The following BDH1 variants were observed in gnomAD, a reference collection of about 807,000 sequenced individuals.
BDH1 encodes 3-hydroxybutyrate dehydrogenase 1, also known as D-beta-hydroxybutyrate dehydrogenase, mitochondrial.
BDH1 carries 30 observed loss-of-function variants against 33.1 expected under a neutral mutation model. That is an observed-to-expected ratio of 0.91 (90% CI 0.68 to 1.23). BDH1 has a LOEUF of 1.23. BDH1 is among the 50% of genes most tolerant of loss of function. The pLI, the probability that BDH1 is intolerant of heterozygous loss-of-function variation, is 0.00. For synonymous variants in BDH1, 190 were observed against 183.6 expected (o/e 1.03, Z -0.28); for missense variants, 443 against 464.4 (o/e 0.95, Z 0.42).
chr3:197,511,139 A>T lies in BDH1; in HGVS notation c.*756T>A, dbSNP rs1711980455. 6.6e-6 allele frequency: 1 copy of T among 152,304 alleles called. No homozygotes were observed. The highest frequency in any genetic ancestry group is 1.5e-5 in the Non-Finnish European group (1 of 68,130). The allele number at this position is 152,304 out of a possible 1,614,324, so 9.4% of individuals were successfully genotyped here. On this transcript the variant is annotated 3_prime_UTR_variant, in exon 8 of 8. Coordinates refer to ENST00000392379, the MANE Select transcript of BDH1 (RefSeq NM_203314.3). ...CTACTTGGAAGGCTGAGGCAGGAGAACCGCTTGAACCAGGGAGGCGGAGGT... is the reference window on the plus strand; with the variant it reads ...CTACTTGGAAGGCTGAGGCAGGAGATCCGCTTGAACCAGGGAGGCGGAGGT...
At chr3:197,519,839 G>T (rs1327354793) in intron 6 of BDH1, among the ~76,000 whole-genome samples, 1 of 152,064 alleles carries the variant, frequency 6.6e-6, no homozygotes, top group Non-Finnish European at 1.5e-5. Flanking sequence ...GTCCTGCGGG[G>T]GTCGGGGCCG....
Position 197,510,703 on chromosome 3 carries a change from GT to G in BDH1, c.*1191del, listed in dbSNP as rs1560297052. The G allele has an allele frequency of 1.6e-5, 2 of 128,388 alleles. No individual in the cohort carries two copies. The highest frequency in any genetic ancestry group is 6.9e-5 in the African/African-American group (2 of 28,842). The allele number at this position is 128,388 out of a possible 1,614,324, so 8.0% of individuals were successfully genotyped here. A position where few individuals can be genotyped will look rare whatever the true frequency, so the allele number is the denominator to read the frequency against. ...GTGTAAGGTGTGTGTGTGTGTGTGTGTGTGTGTGTGTGTGTACATGTGTGTA... is the reference window on the plus strand; with the variant it reads ...GTGTAAGGTGTGTGTGTGTGTGTGTGGTGTGTGTGTGTGTACATGTGTGTA... On this transcript the variant is annotated 3_prime_UTR_variant, in exon 8 of 8. Coordinates refer to ENST00000392379, the MANE Select transcript of BDH1 (RefSeq NM_203314.3).
upstream of BDH1, among the ~76,000 whole-genome samples, chr3:197,559,320 G>A (rs920255933): frequency 1.3e-5 from 2 of 152,012 alleles, no homozygotes; most frequent in African/African-American, 2.4e-5. Context: ...TTTAATAATT[G>A]GACTCTAAAT....
intron 1 of BDH1, among the ~76,000 whole-genome samples, chr3:197,566,156 T>G (rs1717425419): frequency 1.3e-5 from 2 of 152,366 alleles, no homozygotes; most frequent in South Asian, 2.1e-4. Context: ...AGTATTCTTA[T>G]GACAATACAG....
intron 2 of BDH1, among the ~76,000 whole-genome samples, chr3:197,547,509 C>T (rs1487450863): frequency 6.6e-6 from 1 of 152,238 alleles, no homozygotes; most frequent in Non-Finnish European, 1.5e-5. Flanking sequence ...CAGGTGGAGG[C>T]GTTTAATCTG....
intron 5 of BDH1, 136 bp downstream of exon 5, chr3:197,532,276 G>T: frequency 1.5e-6 from 1 of 668,554 alleles, no homozygotes; most frequent in Non-Finnish European, 2.7e-6. Context: ...AGAACAAGTG[G>T]GACTGAAGCC....
At chr3:197,570,530 T>C (rs1717573874) in intron 1 of BDH1, among the ~76,000 whole-genome samples, 1 of 152,186 alleles carries the variant, frequency 6.6e-6, no homozygotes, top group African/African-American at 2.4e-5. Context: ...TGTGTGCATC[T>C]TAGGGACTTG....
upstream of BDH1, among the ~76,000 whole-genome samples, chr3:197,557,271 G>A (rs113133858): frequency 4.7e-3 from 723 of 152,312 alleles, 4 homozygotes; most frequent in African/African-American, 0.015. The surrounding 1 kb of genome is among the most constrained non-coding windows in gnomAD (Gnocchi z 4.6). Context: ...TCACTTGCGT[G>A]CATTCTTAAC....
chr3:197,542,932 T>C (rs2108754729), intron 3 of BDH1: 1 of 929,786 alleles, frequency 1.1e-6, no homozygotes, highest in South Asian at 5.0e-5. Flanking sequence ...AGGGAGGAAG[T>C]GGTGCAGTCT....
At chr3:197,547,300 G>A (rs936706230) in intron 2 of BDH1, among the ~76,000 whole-genome samples, 4 of 152,268 alleles carry the variant, frequency 2.6e-5, no homozygotes, top group East Asian at 1.9e-4. Context: ...GAAGGAAGGC[G>A]GGCTGGTAAA....
intron 3 of BDH1, chr3:197,533,967 C>A (rs112280318): frequency 3.2e-3 from 563 of 174,404 alleles, no homozygotes; most frequent in African/African-American, 0.011. Flanking sequence ...AAGCCTGCTG[C>A]AATTTTGATG....
In BDH1 at chr3:197,561,170, A is replaced by C. The variant is rs147378912; in HGVS notation, c.-44+12011T>G. On this transcript the variant is annotated intron_variant, in intron 1 of 6. Transcript: ENST00000358186. Reference sequence around the variant, plus strand: ...GTAACCATGGAGGGATTCTGAGTGGAGATGCCCCTGACCTTTGACAGATCT... The same window carrying C: ...GTAACCATGGAGGGATTCTGAGTGGCGATGCCCCTGACCTTTGACAGATCT... 4.3e-3 allele frequency among the ~76,000 whole-genome samples: 660 copies of C among 152,234 alleles called. 7 individuals carry two copies. Among genetic ancestry groups the C allele is most frequent in the African/African-American group, 0.015 (606 of 41,510 alleles).
chr3:197,512,692 G>T (rs1170280388), intron 7 of BDH1, among the ~76,000 whole-genome samples: 1 of 152,244 alleles, frequency 6.6e-6, no homozygotes, highest in Non-Finnish European at 1.5e-5. Flanking sequence ...GAGGGGAGAA[G>T]TGGGAGGCGA....
Position 197,510,375 on chromosome 3 carries a change from C to T in BDH1, c.*1520G>A, listed in dbSNP as rs180766545. 1,309 of 152,286 alleles carry T rather than the reference C, an allele frequency of 8.6e-3. 10 individuals are homozygous for T. The highest frequency in any genetic ancestry group is 0.015 in the Non-Finnish European group (1,005 of 68,076). The allele number at this position is 152,286 out of a possible 1,614,324, so 9.4% of individuals were successfully genotyped here. ...GGAAACGCGGAGTCTGATTCGAAGG[C>T]GGGCACTGGGGACCCTGCCCCGGGC... On this transcript the variant is annotated 3_prime_UTR_variant, in exon 8 of 8. Coordinates refer to ENST00000392379, the MANE Select transcript of BDH1 (RefSeq NM_203314.3).
chr3:197,541,278 C>T (rs899064211), intron 3 of BDH1, among the ~76,000 whole-genome samples: 1 of 152,204 alleles, frequency 6.6e-6, no homozygotes, highest in African/African-American at 2.4e-5. Flanking sequence ...CTGCCTGTGT[C>T]ATTCACCTCA....
intron 3 of BDH1, chr3:197,543,292 G>A (rs1453896967): frequency 3.6e-6 from 2 of 558,898 alleles, no homozygotes; most frequent in Non-Finnish European, 4.5e-6. Flanking sequence ...CATGTGATGT[G>A]GCAGCCAAAA....
intron 6 of BDH1, among the ~76,000 whole-genome samples, chr3:197,518,953 C>G (rs1364139087): frequency 1.8e-5 from 1 of 55,888 alleles, no homozygotes; most frequent in Non-Finnish European, 3.6e-5. Flanking sequence ...CCATCCCCCC[C>G]TCAGTCACTT....
At position 197,511,761 on chromosome 3, in the gene BDH1, G is replaced by A; in HGVS notation, c.*134C>T. On this transcript the variant is annotated 3_prime_UTR_variant, in exon 8 of 8. Coordinates refer to ENST00000392379, the MANE Select transcript of BDH1 (RefSeq NM_203314.3). ...GCAAAGAAGTCATTCCCTCTAGTTA[G>A]TGTTAAAACCAGTTATGGGTCTTCC... 1 of 856,944 alleles carries A rather than the reference G, an allele frequency of 1.2e-6. No homozygotes were observed. The allele number at this position is 856,944 out of a possible 1,614,324, so 53.1% of individuals were successfully genotyped here.
In BDH1 at chr3:197,510,396, C is replaced by T. The variant is rs1297465291; in HGVS notation, c.*1499G>A. ...AAGGCGGGCACTGGGGACCCTGCCC[C>T]GGGCCGAAAGCCCCCTGGAGGACAG... is the stretch of plus-strand genomic sequence containing the variant. On this transcript the variant is annotated 3_prime_UTR_variant, in exon 8 of 8. Transcript: ENST00000392379. The T allele has an allele frequency of 6.6e-6, 1 of 152,334 alleles. No homozygotes were observed. Among genetic ancestry groups the T allele is most frequent in the Non-Finnish European group, 1.5e-5 (1 of 68,068 alleles). 9.4% of individuals were successfully genotyped at this position (152,334 alleles called of 1,614,324 possible). A position where few individuals can be genotyped will look rare whatever the true frequency, so the allele number is the denominator to read the frequency against.
Sources: allele counts gnomAD v4.1 joint callset (sites outside exome capture counted in the v4.1 genomes callset), GRCh38; gene constraint gnomAD v4.1.1; non-coding constraint Gnocchi (gnomAD v3.1); transcripts MANE v1.5; gene names NCBI Gene and HGNC (gene_info 2026-07-23, HGNC 2026-07-21).